The following CHODL variants were observed in gnomAD, a reference collection of about 807,000 sequenced individuals.
The protein encoded by CHODL is chondrolectin.
Under a neutral mutation model 34.5 loss-of-function variants are expected in CHODL, and 29 were observed. The observed-to-expected ratio is 0.84, with a 90% CI of 0.63 to 1.15. The LOEUF (loss-of-function observed/expected upper bound fraction) is 1.15, where lower values mean the gene tolerates loss of function less well. Among genes scored for constraint, CHODL ranks in the 50% most tolerant of loss-of-function variants. The pLI is 0.00. For missense variants in CHODL, 332 were observed against 332.5 expected, an observed-to-expected ratio of 1.00 and a Z score of 0.01; for synonymous variants, 125 against 116.1, an observed-to-expected ratio of 1.08 and a Z score of -0.49.
rs533034972 is a variant in CHODL, at chr21:18,068,246, G to A, written c.-45+40275G>A. On this transcript the variant is annotated intron_variant, in intron 2 of 6. Transcript: ENST00000400127. ...AGTCTTGCTTTTGTAGCCCAGGCTG[G>A]AGTGCAGTGGTGCGGTCTCAGCTCA... Among the ~76,000 whole-genome samples the A allele has an allele frequency of 2.2e-4, 33 of 151,330 alleles. 1 individual carries two copies. In the South Asian group the frequency reaches 6.9e-3, roughly 32 times the overall value.
intron 1 of CHODL, among the ~76,000 whole-genome samples, chr21:17,928,512 A>G (rs1457045857): frequency 1.3e-5 from 2 of 152,226 alleles, no homozygotes; most frequent in African/African-American, 4.8e-5. Context: ...CTGTATAAAG[A>G]TGTAAGAAGT....
intron 1 of CHODL, among the ~76,000 whole-genome samples, chr21:17,962,927 G>A: frequency 6.6e-6 from 1 of 151,980 alleles, no homozygotes; most frequent in East Asian, 1.9e-4. Context: ...AGCCAGGCGT[G>A]GTGGCGGGCA....
At chr21:18,244,542 T>C (rs1601192731), upstream of CHODL, among the ~76,000 whole-genome samples, 1 of 152,204 alleles carries the variant, frequency 6.6e-6, no homozygotes, top group Admixed American at 6.5e-5. Flanking sequence ...ACATTTATCT[T>C]TGAGAAAACT....
chr21:18,139,947 T>C (rs2072781731), intron 2 of CHODL, among the ~76,000 whole-genome samples: 1 of 152,190 alleles, frequency 6.6e-6, no homozygotes, highest in African/African-American at 2.4e-5. Context: ...ACATGGATTA[T>C]GGTGCTAAAA....
intron 2 of CHODL, among the ~76,000 whole-genome samples, chr21:18,155,785 A>G (rs2073027005): frequency 6.6e-6 from 1 of 152,244 alleles, no homozygotes; most frequent in Non-Finnish European, 1.5e-5. Flanking sequence ...GAGGCTTTAG[A>G]CAGCAGGTCC....
intron 2 of CHODL, among the ~76,000 whole-genome samples, chr21:18,162,094 G>T (rs1045276962): frequency 3.3e-5 from 5 of 152,194 alleles, no homozygotes; most frequent in African/African-American, 1.2e-4. Context: ...TTCTCCTCCT[G>T]TATGTACCCA....
At chr21:18,190,210 A>G (rs1330498944) in intron 2 of CHODL, among the ~76,000 whole-genome samples, 3 of 152,130 alleles carry the variant, frequency 2.0e-5, no homozygotes, top group Non-Finnish European at 4.4e-5. Context: ...AATATGTGAG[A>G]TGAGAGAGGA....
intron 2 of CHODL, among the ~76,000 whole-genome samples, chr21:18,091,400 C>A (rs2065071778): frequency 6.6e-6 from 1 of 152,210 alleles, no homozygotes; most frequent in African/African-American, 2.4e-5. Context: ...GAAGGGCTTG[C>A]ACCGTCTTTC....
intron 2 of CHODL, among the ~76,000 whole-genome samples, chr21:18,085,104 C>T (rs1481760654): frequency 2.0e-5 from 3 of 151,474 alleles, no homozygotes; most frequent in Non-Finnish European, 2.9e-5. Flanking sequence ...TATAGGTAGT[C>T]CTGTTTGCTT....
chr21:18,026,329 TG>T (rs1273064399), intron 1 of CHODL, among the ~76,000 whole-genome samples: 2 of 152,214 alleles, frequency 1.3e-5, no homozygotes, highest in Non-Finnish European at 2.9e-5. Flanking sequence ...GTAACATTTG[TG>T]GGTAAAGCCT....
intron 1 of CHODL, among the ~76,000 whole-genome samples, chr21:17,920,837 C>A (rs1477779690): frequency 2.0e-5 from 3 of 152,074 alleles, no homozygotes; most frequent in Admixed American, 6.5e-5. Flanking sequence ...GAACTGACAG[C>A]TTGAGAATAA....
At chr21:17,923,462 G>GGT (rs1555836955) in intron 1 of CHODL, among the ~76,000 whole-genome samples, 4 of 130,672 alleles carry the variant, frequency 3.1e-5, no homozygotes, top group African/African-American at 5.8e-5. Context: ...TAATTCTTCA[G>GGT]TTTTTTTTTT....
chr21:18,145,593 A>G (rs1278852355), intron 2 of CHODL, among the ~76,000 whole-genome samples: 1 of 152,148 alleles, frequency 6.6e-6, no homozygotes, highest in African/African-American at 2.4e-5. Context: ...AAATGAGGCA[A>G]TAACCTGTTT....
chr21:18,138,005 A>T (rs944414385), intron 2 of CHODL, among the ~76,000 whole-genome samples: 1 of 152,164 alleles, frequency 6.6e-6, no homozygotes, highest in Non-Finnish European at 1.5e-5. Flanking sequence ...AACCTCCAAA[A>T]ATCAGTACTT....
chr21:18,004,325 T>C (rs2063939593), intron 1 of CHODL, among the ~76,000 whole-genome samples: 1 of 152,252 alleles, frequency 6.6e-6, no homozygotes, highest in Non-Finnish European at 1.5e-5. Context: ...TTTTAGCCTC[T>C]ATAAGTGGTG....
intron 2 of CHODL, chr21:18,134,426 A>G (rs895589411): frequency 2.0e-6 from 1 of 492,812 alleles, no homozygotes; most frequent in Non-Finnish European, 4.1e-6. Flanking sequence ...TAAGTTTGCT[A>G]TCATTTCTGT....
At chr21:18,207,745 G>A (rs1187972349) in intron 2 of CHODL, among the ~76,000 whole-genome samples, 1 of 144,596 alleles carries the variant, frequency 6.9e-6, no homozygotes, top group African/African-American at 2.6e-5. Context: ...AGTATTATAG[G>A]ATAAAATTTT....
intron 2 of CHODL, among the ~76,000 whole-genome samples, chr21:18,133,335 C>T (rs1444723222): frequency 6.6e-6 from 1 of 152,026 alleles, no homozygotes; most frequent in Admixed American, 6.6e-5. Flanking sequence ...TGGTCCAATT[C>T]TCTGTTTCAT....
At chr21:18,237,858 G>T (rs1160356870) in intron 2 of CHODL, among the ~76,000 whole-genome samples, 1 of 152,058 alleles carries the variant, frequency 6.6e-6, no homozygotes, top group African/African-American at 2.4e-5. Flanking sequence ...ACCACCTACT[G>T]GTGGAGAATA....
Sources: allele counts gnomAD v4.1 joint callset (sites outside exome capture counted in the v4.1 genomes callset), GRCh38; gene constraint gnomAD v4.1.1; transcripts MANE v1.5; gene names NCBI Gene and HGNC (gene_info 2026-07-23, HGNC 2026-07-21).